Variants in SYAP1 observed in about 807,000 individuals in gnomAD.
SYAP1 encodes the protein synapse-associated protein 1.
In SYAP1, 3 loss-of-function variants were observed where a neutral mutation model predicts 29.6. The ratio of observed to expected loss-of-function variants is 0.10; its 90% CI spans 0.05 to 0.26. SYAP1 has a LOEUF of 0.26. Among genes scored for constraint, SYAP1 ranks in the 10% least tolerant of loss-of-function variants. The pLI is 1.00. For missense variants in SYAP1, 217 were observed against 264.1 expected (o/e 0.82, Z 1.24); for synonymous variants, 102 against 102.7 (o/e 0.99, Z 0.04).
chrX:16,723,481 G>C (rs746413532), intron 1 of SYAP1, among the ~76,000 whole-genome samples: 6 of 111,568 alleles, frequency 5.4e-5, no homozygotes, highest in Non-Finnish European at 7.5e-5. Context: ...GAAATGACTA[G>C]AGAAGTGAGA....
At position 16,754,969 on chromosome X, in the gene SYAP1, G is replaced by C. The variant is rs1214106787; in HGVS notation, c.600G>C (p.Arg200Ser). The change falls in exon 6 of 9, where the codon AGG becomes AGC. Residue 200 changes from arginine to serine, a missense_variant. Transcript: ENST00000380155. ...GTGTGAAGGAAGAAGTGTTCTGGAGGAACTACTTTTACCGCGTCTCCCTGA... is the reference window on the plus strand; with the variant it reads ...GTGTGAAGGAAGAAGTGTTCTGGAGCAACTACTTTTACCGCGTCTCCCTGA... ...PKLVKEEVFW[R>S]NYFYRVSLIK... 1 of 1,211,408 alleles carries C rather than the reference G, an allele frequency of 8.3e-7. No individual in the cohort carries two copies. Among genetic ancestry groups the C allele is most frequent in the East Asian group, 3.0e-5 (1 of 33,826 alleles).
chrX:16,756,002 G>A (rs767360566), intron 6 of SYAP1, among the ~76,000 whole-genome samples: 18 of 111,445 alleles, frequency 1.6e-4, no homozygotes, highest in Non-Finnish European at 2.6e-4. Flanking sequence ...GAAATGGAGT[G>A]AAGTTGCTCT....
rs184563735 is a variant in SYAP1 at position 16,761,279 on chromosome X, T to G, written c.*920T>G. 1 of 110,630 alleles carries G rather than the reference T, an allele frequency of 9.0e-6. No individual in the cohort carries two copies. Among genetic ancestry groups the G allele is most frequent in the East Asian group, 2.8e-4 (1 of 3,567 alleles). The allele number at this position is 110,630 out of a possible 1,213,427, so 9.1% of individuals were successfully genotyped here. On this transcript the variant is annotated 3_prime_UTR_variant, in exon 9 of 9. Transcript: ENST00000380155. ...CTCTGGGGCCTTTTCTTTCTTTTCT[T>G]TTTAAACTATACCAGAAATTTTACA...
intron 3 of SYAP1, among the ~76,000 whole-genome samples, chrX:16,738,995 A>T (rs767492267): frequency 9.0e-6 from 1 of 111,406 alleles, no homozygotes; most frequent in African/African-American, 3.3e-5. Context: ...CTCTAAAAAG[A>T]ATAATTTCAG....
chrX:16,752,364 G>GATTATTATTATT (rs202245644), intron 5 of SYAP1, among the ~76,000 whole-genome samples: 21 of 96,126 alleles, frequency 2.2e-4, no homozygotes, highest in South Asian at 5.2e-4. Flanking sequence ...GTTATCAATG[G>GATTATTATTATT]ATTATTATTA....
At chrX:16,747,791 T>C (rs1030591355) in intron 5 of SYAP1, among the ~76,000 whole-genome samples, 4 of 112,683 alleles carry the variant, frequency 3.5e-5, no homozygotes, top group African/African-American at 1.3e-4. Flanking sequence ...CTGTTAGAAA[T>C]GCTTGCTGAA....
intron 1 of SYAP1, among the ~76,000 whole-genome samples, chrX:16,729,677 T>G (rs761703681): frequency 9.1e-6 from 1 of 110,090 alleles, no homozygotes; most frequent in Non-Finnish European, 1.9e-5. Context: ...AGAGACGGGG[T>G]TTCACAATGT....
At chrX:16,758,087 A>G (rs1242150394) in intron 8 of SYAP1, among the ~76,000 whole-genome samples, 1 of 111,351 alleles carries the variant, frequency 9.0e-6, no homozygotes, top group Admixed American at 9.6e-5. Flanking sequence ...TCTGTCACCC[A>G]GGCTGAAGTG....
chrX:16,720,269 G>C (rs1218609182), intron 1 of SYAP1, among the ~76,000 whole-genome samples: 1 of 112,109 alleles, frequency 8.9e-6, no homozygotes, highest in Non-Finnish European at 1.9e-5. Context: ...GATAGTTGGC[G>C]AGCTTGAATT....
chrX:16,756,374 C>G (rs1344473070), intron 6 of SYAP1, among the ~76,000 whole-genome samples: 1 of 111,620 alleles, frequency 9.0e-6, no homozygotes, highest in Non-Finnish European at 1.9e-5. Flanking sequence ...AGGAGGATCA[C>G]TTGAGCCCAG....
At chrX:16,724,213 C>T (rs188417001) in intron 1 of SYAP1, among the ~76,000 whole-genome samples, 3 of 111,978 alleles carry the variant, frequency 2.7e-5, no homozygotes, top group East Asian at 5.6e-4. Context: ...TCACACAGGA[C>T]GTGCTTAATT....
intron 6 of SYAP1, 140 bp downstream of exon 6, chrX:16,755,233 C>T: frequency 1.7e-6 from 1 of 587,025 alleles, no homozygotes; most frequent in Non-Finnish European, 2.6e-6. Context: ...CTTCATTTTT[C>T]TCTTACTGCC....
Position 16,733,913 on chromosome X carries a change from C to T in SYAP1, c.176-1314C>T, listed in dbSNP as rs775634501. Among the ~76,000 whole-genome samples the T allele has an allele frequency of 6.3e-5, 7 of 110,442 alleles. No homozygotes were observed. In the East Asian group the frequency reaches 2.0e-3, roughly 32 times the overall value. On this transcript the variant is annotated intron_variant, in intron 1 of 8. Coordinates refer to ENST00000380155, the MANE Select transcript of SYAP1 (RefSeq NM_032796.4). The stretch of plus-strand genomic sequence containing the variant: ...GAACTCCTGATCTGCCCGCCTCGGC[C>T]TCCCAAAGTGCTGGGATTACAACAA...
rs761405384 is a variant in SYAP1, at chrX:16,755,017, G to A, written c.648G>A (p.Thr216=). ...TGATTAAGCAGTCAGCCCAGCTCACGGCCCTGGCTGCCCAACAGCAGGCCG... is the reference window on the plus strand; with the variant it reads ...TGATTAAGCAGTCAGCCCAGCTCACAGCCCTGGCTGCCCAACAGCAGGCCG... ...VSLIKQSAQL[T]ALAAQQQAAG... is the part of the protein sequence containing the mutation. Residue 216 remains threonine (T), a synonymous_variant, in exon 6 of 9, where the codon ACG becomes ACA. Coordinates refer to ENST00000380155, the MANE Select transcript of SYAP1 (RefSeq NM_032796.4). 1.3e-5 allele frequency: 16 copies of A among 1,209,157 alleles called. No homozygotes were observed. Among genetic ancestry groups the A allele is most frequent in the South Asian group, 3.5e-5 (2 of 56,837 alleles).
chrX:16,757,908 A>AAAT (rs749499003), intron 8 of SYAP1, among the ~76,000 whole-genome samples: 14 of 108,420 alleles, frequency 1.3e-4, no homozygotes, highest in East Asian at 5.7e-4. Flanking sequence ...CTTCATCTCA[A>AAAT]AATAATAATA....
intron 1 of SYAP1, among the ~76,000 whole-genome samples, chrX:16,728,376 G>A (rs1032517009): frequency 1.8e-5 from 2 of 111,736 alleles, no homozygotes. Context: ...TTCTAAAGAG[G>A]ACCAAAACAG....
intron 5 of SYAP1, among the ~76,000 whole-genome samples, chrX:16,754,659 C>T (rs943806523): frequency 5.5e-5 from 6 of 109,888 alleles, no homozygotes; most frequent in East Asian, 2.9e-4. Flanking sequence ...ACCCAGGAGG[C>T]GGAGGTTGCA....
At chrX:16,720,940 G>C (rs1432964254) in intron 1 of SYAP1, among the ~76,000 whole-genome samples, 1 of 110,421 alleles carries the variant, frequency 9.1e-6, no homozygotes, top group Non-Finnish European at 1.9e-5. Flanking sequence ...TTGAACTGGG[G>C]AGGTGGAAGT....
chrX:16,748,804 G>A (rs1926664332), intron 5 of SYAP1, among the ~76,000 whole-genome samples: 1 of 106,895 alleles, frequency 9.4e-6, no homozygotes. Flanking sequence ...ACTCAGGCTG[G>A]AATGTAGTGG....
Sources: gnomAD v4.1 joint callset for allele counts (sites outside exome capture counted in the v4.1 genomes callset) on GRCh38, gnomAD v4.1.1 for gene constraint, MANE v1.5 for transcripts, NCBI Gene and HGNC (gene_info 2026-07-23, HGNC 2026-07-21) for gene names.